Variants in PRKCH observed in about 807,000 individuals in gnomAD.
PRKCH encodes protein kinase C eta type.
PRKCH carries 28 observed loss-of-function variants against 82.5 expected under a neutral mutation model. That is an observed-to-expected ratio of 0.34 (90% confidence interval 0.25 to 0.47). The LOEUF (loss-of-function observed/expected upper bound fraction) is 0.47, where lower values mean the gene tolerates loss of function less well. Ranked by LOEUF, PRKCH falls within the 20% of genes least tolerant of loss-of-function variation. PRKCH has a pLI of 1.00. For synonymous variants in PRKCH, 322 were observed against 327.4 expected, an observed-to-expected ratio of 0.98 and a Z score of 0.18; for missense variants, 705 against 881.8, an observed-to-expected ratio of 0.80 and a Z score of 2.54.
At chr14:61,472,568 A>G (rs1025941640) in intron 9 of PRKCH, among the ~76,000 whole-genome samples, 1 of 152,188 alleles carries the variant, frequency 6.6e-6, no homozygotes, top group Non-Finnish European at 1.5e-5. Context: ...TGGAAATGCC[A>G]TTTCAACTTG....
intron 1 of PRKCH, among the ~76,000 whole-genome samples, chr14:61,197,967 A>T (rs2044452553): frequency 6.6e-6 from 1 of 152,134 alleles, no homozygotes; most frequent in African/African-American, 2.4e-5. Flanking sequence ...CATTCTTCTG[A>T]TCAATAGAGT....
intron 9 of PRKCH, among the ~76,000 whole-genome samples, chr14:61,478,208 A>T (rs1252448396): frequency 1.3e-5 from 2 of 152,236 alleles, no homozygotes; most frequent in East Asian, 3.8e-4. Flanking sequence ...TAAATCATTT[A>T]ATCCTCACAA....
At chr14:61,405,442 A>G in intron 2 of PRKCH, among the ~76,000 whole-genome samples, 1 of 151,530 alleles carries the variant, frequency 6.6e-6, no homozygotes, top group East Asian at 1.9e-4. Flanking sequence ...CAGTGGCGCA[A>G]TCTCAGCTCA....
chr14:61,282,979 A>C (rs1156956087), intron 1 of PRKCH, among the ~76,000 whole-genome samples: 1 of 151,958 alleles, frequency 6.6e-6, no homozygotes, highest in African/African-American at 2.4e-5. Context: ...GTTTCATTGA[A>C]TCACTAGTCC....
At chr14:61,272,258 A>G (rs1392274240) in intron 1 of PRKCH, among the ~76,000 whole-genome samples, 1 of 150,966 alleles carries the variant, frequency 6.6e-6, no homozygotes, top group Non-Finnish European at 1.5e-5. Flanking sequence ...AGAAAAACCA[A>G]GGGAAATCAC....
intron 1 of PRKCH, among the ~76,000 whole-genome samples, chr14:61,263,847 TTGTGTGTGTGTG>T (rs56280986): frequency 0.018 from 2,543 of 144,306 alleles, 46 homozygotes; most frequent in African/African-American, 0.052. Context: ...AGTCAGAGTA[TTGTGTGTGTGTG>T]TGTGTGTGTG....
At chr14:61,347,928 T>C (rs1398253841) in intron 1 of PRKCH, 1 of 152,610 alleles carries the variant, frequency 6.6e-6, no homozygotes, top group Admixed American at 6.6e-5. Flanking sequence ...GGCAGTGGGG[T>C]GAGGAGAGGA....
intron 1 of PRKCH, among the ~76,000 whole-genome samples, chr14:61,238,444 A>G (rs1054268542): frequency 1.3e-5 from 2 of 152,088 alleles, no homozygotes; most frequent in African/African-American, 4.8e-5. Flanking sequence ...AACTTTTCAT[A>G]TTTCTCCAAA....
intron 1 of PRKCH, among the ~76,000 whole-genome samples, chr14:61,313,606 G>A (rs755107865): frequency 2.0e-5 from 3 of 152,194 alleles, no homozygotes; most frequent in South Asian, 2.1e-4. Flanking sequence ...AGACATACCC[G>A]AGACTGGGCA....
chr14:61,281,192 C>G (rs2045262612), intron 1 of PRKCH: 1 of 1,215,418 alleles, frequency 8.2e-7, no homozygotes, highest in African/African-American at 1.6e-5. Flanking sequence ...GAGTGGGGGC[C>G]CCGCCGCGGG....
At chr14:61,483,995 C>T (rs146179016) in intron 9 of PRKCH, among the ~76,000 whole-genome samples, 336 of 152,280 alleles carry the variant, frequency 2.2e-3, no homozygotes, top group African/African-American at 7.9e-3. Context: ...GAGCCAAGAT[C>T]GTGCCACTGC....
At chr14:61,397,744 C>T (rs1382485859) in intron 2 of PRKCH, among the ~76,000 whole-genome samples, 1 of 151,286 alleles carries the variant, frequency 6.6e-6, no homozygotes, top group Non-Finnish European at 1.5e-5. Context: ...GAAGAAAGAA[C>T]AGAACACAAA....
chr14:61,505,043 A>G (rs1019467359), intron 10 of PRKCH, among the ~76,000 whole-genome samples: 27 of 152,198 alleles, frequency 1.8e-4, no homozygotes, highest in African/African-American at 6.3e-4. Flanking sequence ...TGTGAAAGTT[A>G]CATGGAAGGA....
intron 1 of PRKCH, among the ~76,000 whole-genome samples, chr14:61,380,706 G>A (rs1392348216): frequency 2.0e-5 from 3 of 152,250 alleles, no homozygotes; most frequent in South Asian, 4.1e-4. Context: ...TTACATTTTC[G>A]ATTCTTCAGA....
chr14:61,456,164 C>T (rs976591549), intron 7 of PRKCH, among the ~76,000 whole-genome samples: 1 of 152,210 alleles, frequency 6.6e-6, no homozygotes, highest in African/African-American at 2.4e-5. Flanking sequence ...CCTAATGACT[C>T]ATGTGGCAGA....
intron 2 of PRKCH, among the ~76,000 whole-genome samples, chr14:61,394,668 A>G (rs892721677): frequency 1.3e-5 from 2 of 152,202 alleles, no homozygotes; most frequent in African/African-American, 2.4e-5. Context: ...ATGCTCACCA[A>G]ATACATCTGA....
At chr14:61,221,302 C>T (rs1477313322) in intron 1 of PRKCH, among the ~76,000 whole-genome samples, 3 of 152,022 alleles carry the variant, frequency 2.0e-5, no homozygotes, top group Non-Finnish European at 2.9e-5. Flanking sequence ...CTAGGGATTT[C>T]CCATTAAATT....
intron 1 of PRKCH, among the ~76,000 whole-genome samples, chr14:61,374,317 A>T (rs963900413): frequency 6.6e-6 from 1 of 152,108 alleles, no homozygotes; most frequent in African/African-American, 2.4e-5. Flanking sequence ...CAGGTGCAAG[A>T]TGCAAGCTGT....
chr14:61,518,168 G>A (rs1287810566), intron 10 of PRKCH, among the ~76,000 whole-genome samples: 3 of 152,170 alleles, frequency 2.0e-5, no homozygotes, highest in African/African-American at 7.2e-5. Context: ...ATGGTCAGGA[G>A]ACCCTTAGCC....
Sources: allele counts gnomAD v4.1 joint callset (sites outside exome capture counted in the v4.1 genomes callset), GRCh38; gene constraint gnomAD v4.1.1; transcripts MANE v1.5; gene names NCBI Gene and HGNC (gene_info 2026-07-23, HGNC 2026-07-21).